FUT8: variants seen among roughly 807,000 people sequenced by gnomAD.
FUT8 encodes alpha-(1,6)-fucosyltransferase.
A neutral mutation model predicts 71.3 loss-of-function variants in FUT8; 29 were observed. That is an observed-to-expected ratio of 0.41 (90% confidence interval 0.30 to 0.55). The LOEUF is 0.55. Ranked by LOEUF, FUT8 falls within the 20% of genes least tolerant of loss-of-function variation. FUT8 has a pLI of 0.34. For missense variants in FUT8, 544 were observed against 702.1 expected (o/e 0.77, Z 2.55); for synonymous variants, 254 against 239.3 (o/e 1.06, Z -0.57).
chr14:65,464,791 T>G (rs2066017876), intron 2 of FUT8, among the ~76,000 whole-genome samples: 1 of 152,196 alleles, frequency 6.6e-6, no homozygotes, highest in Non-Finnish European at 1.5e-5. Flanking sequence ...TTCTGTAATT[T>G]TCCTTTCTTG....
At position 65,455,722 on chromosome 14, in the gene FUT8, A is replaced by G. The variant is rs574096510; in HGVS notation, c.-228+4A>G. On this transcript the variant is annotated splice_donor_region_variant and intron_variant, in intron 2 of 10. Transcript: ENST00000673929. Reference sequence around the variant, plus strand: ...TTGATTAACTGGACAAATTCAGGTTAGTGTATTTTGTGGACAGCACTTCCC... The same window carrying G: ...TTGATTAACTGGACAAATTCAGGTTGGTGTATTTTGTGGACAGCACTTCCC... 3 of 398,216 alleles carry G rather than the reference A, an allele frequency of 7.5e-6. No homozygotes were observed. The highest frequency in any genetic ancestry group is 1.3e-4 in the South Asian group (1 of 7,846). The allele number at this position is 398,216 out of a possible 1,614,324, so 24.7% of individuals were successfully genotyped here.
chr14:65,703,093 T>G (rs1040390892), intron 7 of FUT8, among the ~76,000 whole-genome samples: 2 of 152,324 alleles, frequency 1.3e-5, no homozygotes, highest in East Asian at 3.9e-4. Flanking sequence ...GTGGCAGAAG[T>G]CTTCCTTTGT....
At chr14:65,584,583 A>G (rs1887272990) in intron 3 of FUT8, among the ~76,000 whole-genome samples, 1 of 152,252 alleles carries the variant, frequency 6.6e-6, no homozygotes, top group Non-Finnish European at 1.5e-5. Context: ...GGATATAAAA[A>G]ATGGGATAAA....
intron 2 of FUT8, among the ~76,000 whole-genome samples, chr14:65,513,532 C>T (rs1882500833): frequency 6.6e-6 from 1 of 152,116 alleles, no homozygotes; most frequent in African/African-American, 2.4e-5. Context: ...ATGATAGTGA[C>T]CCTACAGGGA....
intron 3 of FUT8, among the ~76,000 whole-genome samples, chr14:65,578,915 A>G (rs899418190): frequency 1.3e-5 from 2 of 152,142 alleles, no homozygotes; most frequent in South Asian, 4.1e-4. Context: ...AAAAAAATGT[A>G]TGCAAAAGCT....
intron 7 of FUT8, among the ~76,000 whole-genome samples, chr14:65,673,465 A>C (rs1284250259): frequency 6.6e-6 from 1 of 152,214 alleles, no homozygotes; most frequent in African/African-American, 2.4e-5. Context: ...GGTTAAGACT[A>C]CCCTGAAGCA....
intron 2 of FUT8, among the ~76,000 whole-genome samples, chr14:65,515,756 T>C (rs1318636702): frequency 6.6e-6 from 1 of 152,106 alleles, no homozygotes; most frequent in Non-Finnish European, 1.5e-5. Context: ...GTACATTGTA[T>C]TGAAGGGTTA....
intron 3 of FUT8, among the ~76,000 whole-genome samples, chr14:65,579,004 A>G (rs997010526): frequency 1.3e-5 from 2 of 152,156 alleles, no homozygotes; most frequent in African/African-American, 4.8e-5. Flanking sequence ...GGTACATTTA[A>G]TGAATATGGA....
chr14:65,521,456 A>T (rs1373711729), intron 2 of FUT8, among the ~76,000 whole-genome samples: 1 of 152,174 alleles, frequency 6.6e-6, no homozygotes, highest in Non-Finnish European at 1.5e-5. Flanking sequence ...TACATTAGGG[A>T]TGGTAATAAG....
intron 5 of FUT8, among the ~76,000 whole-genome samples, chr14:65,621,722 C>T (rs559239070): frequency 3.9e-5 from 6 of 151,994 alleles, no homozygotes; most frequent in Non-Finnish European, 8.8e-5. Context: ...CCACTACACC[C>T]AGCTAATTTT....
At chr14:65,517,266 G>C (rs1294772858) in intron 2 of FUT8, among the ~76,000 whole-genome samples, 2 of 151,948 alleles carry the variant, frequency 1.3e-5, no homozygotes, top group Non-Finnish European at 2.9e-5. Context: ...ACTTAAACGA[G>C]CTAAATATCT....
chr14:65,446,409 T>A (rs2065741519), intron 1 of FUT8, among the ~76,000 whole-genome samples: 1 of 152,232 alleles, frequency 6.6e-6, no homozygotes, highest in Non-Finnish European at 1.5e-5. Flanking sequence ...TGGATGACTC[T>A]CTTTGTGACG....
Position 65,742,383 on chromosome 14 carries a change from C to T in FUT8, c.1701C>T (p.Tyr567=). The T allele has an allele frequency of 6.2e-7, 1 of 1,612,042 alleles. No homozygotes were observed. Among genetic ancestry groups the T allele is most frequent in the Non-Finnish European group, 8.5e-7 (1 of 1,178,754 alleles). ...GAGAGAAGATAGAAACGGTCAAGTACCCCACATATCCTGAGGCTGAGAAAT... is the reference window on the plus strand; with the variant it reads ...GAGAGAAGATAGAAACGGTCAAGTATCCCACATATCCTGAGGCTGAGAAAT... The part of the protein sequence containing the change: ...KVREKIETVK[Y]PTYPEAEK The change falls in exon 11 of 11, where the codon TAC becomes TAT. Residue 567 remains tyrosine, a synonymous_variant. Transcript: ENST00000673929.
chr14:65,522,055 A>C (rs1318574626), intron 2 of FUT8, among the ~76,000 whole-genome samples: 1 of 152,094 alleles, frequency 6.6e-6, no homozygotes, highest in Non-Finnish European at 1.5e-5. Flanking sequence ...TCTTAGTCTA[A>C]CTTTAGTCCA....
chr14:65,392,511 T>C, the FUT8 span, among the ~76,000 whole-genome samples: 1 of 151,974 alleles, frequency 6.6e-6, no homozygotes, highest in Non-Finnish European at 1.5e-5. Context: ...CGGTTTTGAC[T>C]TCCTGAAATA....
chr14:65,552,732 T>C (rs947394951), intron 2 of FUT8, among the ~76,000 whole-genome samples: 2 of 152,202 alleles, frequency 1.3e-5, no homozygotes, highest in Admixed American at 6.5e-5. Flanking sequence ...TTCTCTGTTT[T>C]TTCTCTAATG....
At chr14:65,606,267 C>T (rs542025218) in intron 3 of FUT8, among the ~76,000 whole-genome samples, 2 of 150,384 alleles carry the variant, frequency 1.3e-5, no homozygotes, top group East Asian at 1.9e-4. Flanking sequence ...TTAGTAGAGA[C>T]GGGGTTTCAC....
chr14:65,592,265 A>G (rs972270368), intron 3 of FUT8, among the ~76,000 whole-genome samples: 1 of 152,102 alleles, frequency 6.6e-6, no homozygotes, highest in Non-Finnish European at 1.5e-5. Flanking sequence ...CTTGAAATAA[A>G]GTATATTTAA....
chr14:65,667,538 G>A (rs1462575668), intron 6 of FUT8, among the ~76,000 whole-genome samples: 1 of 152,036 alleles, frequency 6.6e-6, no homozygotes, highest in African/African-American at 2.4e-5. Context: ...ACAAACAAAT[G>A]GAAAAACACT....
Sources: allele counts gnomAD v4.1 joint callset (sites outside exome capture counted in the v4.1 genomes callset), GRCh38; gene constraint gnomAD v4.1.1; transcripts MANE v1.5; gene names NCBI Gene and HGNC (gene_info 2026-07-23, HGNC 2026-07-21).